Variants in CCN4 observed in about 807,000 individuals in gnomAD.
CCN4 encodes the protein CCN family member 4.
CCN4 carries 30 observed loss-of-function variants against 36.7 expected under a neutral mutation model. The observed-to-expected ratio is 0.82, with a 90% CI of 0.61 to 1.11. The LOEUF (loss-of-function observed/expected upper bound fraction) is 1.11. CCN4 is among the 50% of genes least tolerant of loss of function. The probability of loss-of-function intolerance (pLI) is 0.00; values close to 1 mark genes in which losing one functional copy is unlikely to be tolerated. For synonymous variants in CCN4, 191 were observed against 195.4 expected (o/e 0.98, Z 0.19); for missense variants, 505 against 504.9 (o/e 1.00, Z 0.00).
In CCN4 at chr8:133,231,495, T is replaced by A. The variant is rs1411363681; in HGVS notation, c.*3785T>A. On this transcript the variant is annotated 3_prime_UTR_variant, in exon 5 of 5. Coordinates refer to ENST00000250160, the MANE Select transcript of CCN4 (RefSeq NM_003882.4). ...ACAACAGTTCTCATTTTTCTCATGA[T>A]TTGTGTAGCGTGGAATGTGTTTGCT... The A allele has an allele frequency of 1.3e-5, 2 of 152,230 alleles. No homozygotes were observed. The highest frequency in any genetic ancestry group is 4.8e-5 in the African/African-American group (2 of 41,466). 9.4% of individuals were successfully genotyped at this position (152,230 alleles called of 1,614,324 possible).
chr8:133,192,249 A>G (rs1175289674), intron 1 of CCN4, among the ~76,000 whole-genome samples: 1 of 152,244 alleles, frequency 6.6e-6, no homozygotes, highest in Non-Finnish European at 1.5e-5. Context: ...ACCACTTGCC[A>G]GAATCAGACT....
intron 1 of CCN4, among the ~76,000 whole-genome samples, chr8:133,211,202 A>G (rs553083205): frequency 9.8e-5 from 15 of 152,294 alleles, no homozygotes; most frequent in African/African-American, 3.4e-4. Context: ...GAGAGCTTCC[A>G]TGCCTCCTTG....
intron 1 of CCN4, among the ~76,000 whole-genome samples, chr8:133,202,910 T>TG (rs1464204121): frequency 2.6e-5 from 4 of 152,166 alleles, no homozygotes; most frequent in African/African-American, 4.8e-5. Context: ...GAAACAAGCG[T>TG]GGGGAAGACA....
chr8:133,202,684 G>A lies in CCN4; in HGVS notation c.70-10180G>A, dbSNP rs553725817. Among the ~76,000 whole-genome samples, 15 of 152,320 alleles carry A rather than the reference G, an allele frequency of 9.8e-5. No homozygotes were observed. In the South Asian group the frequency reaches 2.1e-3, roughly 21 times the overall value. ...GGAGTTTCTGGGCAGTGCGGTGGGGGAAGGAGGAGGATGTACCTGGCTCAT... is the reference window on the plus strand; with the variant it reads ...GGAGTTTCTGGGCAGTGCGGTGGGGAAAGGAGGAGGATGTACCTGGCTCAT... On this transcript the variant is annotated intron_variant, in intron 1 of 4. Transcript: ENST00000250160.
At chr8:133,195,327 T>C (rs1853340760) in intron 1 of CCN4, among the ~76,000 whole-genome samples, 1 of 151,894 alleles carries the variant, frequency 6.6e-6, no homozygotes, top group African/African-American at 2.4e-5. Context: ...GTGGTGTGTG[T>C]GTGTGTGAAC....
intron 1 of CCN4, among the ~76,000 whole-genome samples, chr8:133,199,042 CTGGGAGGGAA>C (rs1853490109): frequency 1.3e-5 from 2 of 152,212 alleles, no homozygotes; most frequent in African/African-American, 4.8e-5. Context: ...ATGGGGGAGG[CTGGGAGGGAA>C]CACCACTGAT....
At chr8:133,206,299 C>T (rs116873248) in intron 1 of CCN4, among the ~76,000 whole-genome samples, 8,648 of 152,264 alleles carry the variant, frequency 0.057, 334 homozygotes, top group Non-Finnish European at 0.086. Flanking sequence ...CATGACAGAC[C>T]TGGGTGCACT....
intron 1 of CCN4, among the ~76,000 whole-genome samples, 166 bp from the exon 2 acceptor site, chr8:133,212,698 T>C (rs1854098854): frequency 6.6e-6 from 1 of 152,182 alleles, no homozygotes; most frequent in African/African-American, 2.4e-5. Context: ...TTCTATTTGT[T>C]TTACTGAGAA....
chr8:133,196,612 T>A (rs1231477115), intron 1 of CCN4, among the ~76,000 whole-genome samples: 1 of 147,618 alleles, frequency 6.8e-6, no homozygotes, highest in African/African-American at 2.4e-5. Context: ...AGGGTTCTAA[T>A]CCCAGTGTCT....
At chr8:133,223,354 C>A (rs569984822) in intron 3 of CCN4, among the ~76,000 whole-genome samples, 1 of 152,300 alleles carries the variant, frequency 6.6e-6, no homozygotes, top group East Asian at 1.9e-4. Flanking sequence ...TCCCTCCCCA[C>A]CACCTCCCAA....
At chr8:133,207,823 TG>T (rs1339735575) in intron 1 of CCN4, among the ~76,000 whole-genome samples, 4 of 152,112 alleles carry the variant, frequency 2.6e-5, no homozygotes, top group Admixed American at 6.6e-5. Context: ...GCAGATTGGT[TG>T]GGGAAATGAA....
intron 2 of CCN4, among the ~76,000 whole-genome samples, chr8:133,215,234 T>C (rs1451907717): frequency 6.6e-6 from 1 of 152,216 alleles, no homozygotes; most frequent in Non-Finnish European, 1.5e-5. Flanking sequence ...GAAGTGGGAA[T>C]GAGGATCTAG....
chr8:133,201,923 T>A (rs768934679), intron 1 of CCN4, among the ~76,000 whole-genome samples: 1 of 152,150 alleles, frequency 6.6e-6, no homozygotes, highest in African/African-American at 2.4e-5. Context: ...CAACTAAGTG[T>A]TGATAATTAT....
chr8:133,221,409 G>GTGGGCAGATGGATGGA (rs1440065627), intron 3 of CCN4, among the ~76,000 whole-genome samples: 3 of 152,230 alleles, frequency 2.0e-5, no homozygotes, highest in African/African-American at 7.2e-5. Flanking sequence ...ATACTGATGG[G>GTGGGCAGATGGATGGA]TGGGCAGATG....
intron 4 of CCN4, among the ~76,000 whole-genome samples, chr8:133,225,937 G>T (rs574594257): frequency 1.1e-3 from 175 of 152,198 alleles, no homozygotes; most frequent in African/African-American, 3.5e-3. Flanking sequence ...GCCACACTGG[G>T]TGATATAGAG....
intron 2 of CCN4, among the ~76,000 whole-genome samples, chr8:133,214,188 T>C (rs1180345401): frequency 6.8e-6 from 1 of 146,820 alleles, no homozygotes; most frequent in Non-Finnish European, 1.5e-5. Context: ...ATAAAATGTA[T>C]GTGTTCTGCT....
rs1854639778 is a variant in CCN4, at chr8:133,224,228, CCT to C, written c.611-1161_611-1160del. Among the ~76,000 whole-genome samples, 6 of 58,896 alleles carry C rather than the reference CCT, an allele frequency of 1.0e-4. 3 individuals carry two copies. The highest frequency in any genetic ancestry group is 4.2e-4 in the African/African-American group (6 of 14,182). 38.6% of individuals were successfully genotyped at this position (58,896 alleles called of 152,430 possible). A position where few individuals can be genotyped will look rare whatever the true frequency, so the allele number is the denominator to read the frequency against. On this transcript the variant is annotated intron_variant, in intron 3 of 4. Coordinates refer to ENST00000250160, the MANE Select transcript of CCN4 (RefSeq NM_003882.4). Reference sequence around the variant, plus strand: ...TGATTTGAATTTGAAGCCCGTAAGTCCTTTTTTTTTTTTTTTTTTTTTTTTTT... The same window carrying C: ...TGATTTGAATTTGAAGCCCGTAAGTCTTTTTTTTTTTTTTTTTTTTTTTTT...
rs762711653 is a variant in CCN4 at position 133,231,194 on chromosome 8, A to G, written c.*3484A>G. On this transcript the variant is annotated 3_prime_UTR_variant, in exon 5 of 5. Transcript: ENST00000250160. The stretch of plus-strand genomic sequence containing the variant: ...CATAGCAATTACAGGGAAGTAATCT[A>G]GCTCCTGACTATTATGTTGAACTAT... The G allele has an allele frequency of 3.3e-5, 5 of 152,162 alleles. No homozygotes were observed. Among genetic ancestry groups the G allele is most frequent in the Non-Finnish European group, 5.9e-5 (4 of 68,038 alleles). The allele number at this position is 152,162 out of a possible 1,614,324, so 9.4% of individuals were successfully genotyped here.
chr8:133,194,157 C>G (rs988231018), intron 1 of CCN4, among the ~76,000 whole-genome samples: 1 of 152,130 alleles, frequency 6.6e-6, no homozygotes, highest in Admixed American at 6.5e-5. Context: ...TATAGGTCTA[C>G]AGGTAAAACC....
Sources: gnomAD v4.1 joint callset for allele counts (sites outside exome capture counted in the v4.1 genomes callset) on GRCh38, gnomAD v4.1.1 for gene constraint, MANE v1.5 for transcripts, NCBI Gene and HGNC (gene_info 2026-07-23, HGNC 2026-07-21) for gene names.